VSIG10L2: variants seen among roughly 807,000 people sequenced by gnomAD.
VSIG10L2 encodes the protein V-set and immunoglobulin domain containing 10 like 2.
In VSIG10L2, 56 loss-of-function variants were observed where a neutral mutation model predicts 67.1. That is an observed-to-expected ratio of 0.83 (90% CI 0.67 to 1.04). VSIG10L2 has a LOEUF of 1.04. Ranked by LOEUF, VSIG10L2 falls within the 50% of genes least tolerant of loss-of-function variation. VSIG10L2 has a pLI of 0.00. For missense variants in VSIG10L2, 843 were observed against 932.8 expected (o/e 0.90, Z 1.25); for synonymous variants, 360 against 396.6 (o/e 0.91, Z 1.10).
At position 125,947,678 on chromosome 11, in the gene VSIG10L2, C is replaced by G; in HGVS notation, c.83-8C>G. 8.1e-7 allele frequency: 1 copy of G among 1,232,482 alleles called. No individual in the cohort carries two copies. Among genetic ancestry groups the G allele is most frequent in the Non-Finnish European group, 1.0e-6 (1 of 988,274 alleles). 76.3% of individuals were successfully genotyped at this position (1,232,482 alleles called of 1,614,324 possible). A position where few individuals can be genotyped will look rare whatever the true frequency, so the allele number is the denominator to read the frequency against. Reference sequence around the variant, plus strand: ...CCAGAAGTCCTGCTATGCCCCTTCTCTCCCCAGGCCAGCCCCACCCGACCC... The same window carrying G: ...CCAGAAGTCCTGCTATGCCCCTTCTGTCCCCAGGCCAGCCCCACCCGACCC... On this transcript the variant is annotated splice_region_variant and splice_polypyrimidine_tract_variant and intron_variant, in intron 1 of 11. Coordinates refer to ENST00000686984, the MANE Select transcript of VSIG10L2 (RefSeq NM_001365077.2).
Position 125,954,073 on chromosome 11 carries a change from C to G in VSIG10L2, c.1787-14C>G. 8.1e-7 allele frequency: 1 copy of G among 1,232,074 alleles called. No individual in the cohort carries two copies. Among genetic ancestry groups the G allele is most frequent in the Non-Finnish European group, 1.0e-6 (1 of 988,006 alleles). 76.3% of individuals were successfully genotyped at this position (1,232,074 alleles called of 1,614,324 possible). ...GGTATACATGTCCCTTGTTTTGTCCCCACCCTCACCCAGGATATCCAGCTC... is the reference window on the plus strand; with the variant it reads ...GGTATACATGTCCCTTGTTTTGTCCGCACCCTCACCCAGGATATCCAGCTC... On this transcript the variant is annotated splice_polypyrimidine_tract_variant and intron_variant, in intron 7 of 11. Transcript: ENST00000686984.
Position 125,951,932 on chromosome 11 carries a change from C to G in VSIG10L2, c.1354C>G (p.Gln452Glu). ...TGCCACGCTGGGCTGGCTTGACGAA[C>G]AGCAGCAGCCCCTGGGCGGCAGCAG... ...PPATLGWLDE[Q>E]QQPLGGSSSS... is the part of the protein sequence containing the mutation. The change falls in exon 6 of 12, where the codon CAG (glutamine) becomes GAG (glutamate). Residue 452 changes from glutamine (Q) to glutamate (E), a missense_variant. By Grantham distance (29) the Gln-to-Glu change is conservative. Around this residue, in one of 2 missense-constraint regions of VSIG10L2, gnomAD observed 446 missense variants for 548.4 expected, o/e 0.81. Coordinates refer to ENST00000686984, the MANE Select transcript of VSIG10L2 (RefSeq NM_001365077.2). 6.5e-7 allele frequency: 1 copy of G among 1,536,038 alleles called. No individual in the cohort carries two copies. Among genetic ancestry groups the G allele is most frequent in the Non-Finnish European group, 8.7e-7 (1 of 1,146,834 alleles).
intron 6 of VSIG10L2, among the ~76,000 whole-genome samples, chr11:125,953,038 T>C (rs1167027518): frequency 1.3e-5 from 2 of 152,118 alleles, no homozygotes; most frequent in African/African-American, 4.8e-5. Context: ...GCACTATGCC[T>C]GGAGCCAGCC....
At chr11:125,950,856 CT>C in intron 4 of VSIG10L2, 53 bp from the exon 5 acceptor site, 1 of 1,232,032 alleles carries the variant, frequency 8.1e-7, no homozygotes, top group Non-Finnish European at 1.0e-6. Context: ...GGCCTGGGGG[CT>C]GCAGGGCACT....
chr11:125,946,544 C>CTCTTT lies in VSIG10L2; in HGVS notation c.82+408_82+409insCTTTT, dbSNP rs1945304876. Among the ~76,000 whole-genome samples the CTCTTT allele has an allele frequency of 7.0e-6, 1 of 142,940 alleles. No individual in the cohort carries two copies. The highest frequency in any genetic ancestry group is 1.5e-5 in the Non-Finnish European group (1 of 65,346). The allele number at this position is 142,940 out of a possible 152,430, so 93.8% of individuals were successfully genotyped here. A position where few individuals can be genotyped will look rare whatever the true frequency, so the allele number is the denominator to read the frequency against. ...GGTTTCTGGGTTACATATTTTTATT[C>CTCTTT]TTTTTTTTTTTTTGAGATGGAGTCT... On this transcript the variant is annotated intron_variant, in intron 1 of 11. Coordinates refer to ENST00000686984, the MANE Select transcript of VSIG10L2 (RefSeq NM_001365077.2). This position sits in a 1 kb window ranked among gnomAD's most constrained non-coding sequence, Gnocchi z 4.4.
chr11:125,950,075 G>T lies in VSIG10L2; in HGVS notation c.771G>T (p.Trp257Cys), dbSNP rs1248906277. The change falls in exon 4 of 12, where the codon TGG becomes TGT. Residue 257 changes from tryptophan (W) to cysteine (C), a missense_variant. Trp to Cys is a radical substitution (Grantham distance 215). This residue lies in a region of VSIG10L2 where 446 missense variants were observed against 548.4 expected (regional missense o/e 0.81). Coordinates refer to ENST00000686984, the MANE Select transcript of VSIG10L2 (RefSeq NM_001365077.2). Reference sequence around the variant, plus strand: ...TGGGACTCACTGAGGAGGGCTTCTGGGCCAGTGAGAGGGAAGAGGTGACCC... The same window carrying T: ...TGGGACTCACTGAGGAGGGCTTCTGTGCCAGTGAGAGGGAAGAGGTGACCC... ...EPLGLTEEGF[W>C]ASEREEVTLS... 3 of 1,232,176 alleles carry T rather than the reference G, an allele frequency of 2.4e-6. No homozygotes were observed. The highest frequency in any genetic ancestry group is 3.0e-6 in the Non-Finnish European group (3 of 988,188). 76.3% of individuals were successfully genotyped at this position (1,232,176 alleles called of 1,614,324 possible).
At chr11:125,948,715 C>T (rs970055489) in intron 3 of VSIG10L2, 135 bp downstream of exon 3, 1 of 999,440 alleles carries the variant, frequency 1.0e-6, no homozygotes, top group Non-Finnish European at 1.3e-6. Context: ...CTCCAGCAGG[C>T]AAGAGTCACG....
chr11:125,948,043 G>C lies in VSIG10L2; in HGVS notation c.433+7G>C. 1.6e-6 allele frequency: 2 copies of C among 1,232,636 alleles called. No individual in the cohort carries two copies. Among genetic ancestry groups the C allele is most frequent in the East Asian group, 3.2e-5 (1 of 31,710 alleles). 76.4% of individuals were successfully genotyped at this position (1,232,636 alleles called of 1,614,324 possible). On this transcript the variant is annotated splice_region_variant and intron_variant, in intron 2 of 11. Coordinates refer to ENST00000686984, the MANE Select transcript of VSIG10L2 (RefSeq NM_001365077.2). The stretch of plus-strand genomic sequence containing the variant: ...CTCACGCTGGCTGTGCTGGGTGAGG[G>C]CCTGGCCCCAGCTGCAGCTGGTCCG...
In VSIG10L2 at chr11:125,955,114, T is replaced by A. The variant is rs933876950; in HGVS notation, c.2141T>A (p.Val714Glu). Reference sequence around the variant, plus strand: ...TTGGGTGCAGCAGGCACGGGAATGGTGGTAGCAACGGTGGCCTCTCTACTG... The same window carrying A: ...TTGGGTGCAGCAGGCACGGGAATGGAGGTAGCAACGGTGGCCTCTCTACTG... ...AVLGAAGTGM[V>E]VATVASLLVF... The change falls in exon 9 of 12, where the codon GTG (valine) becomes GAG (glutamate). Residue 714 changes from valine to glutamate, a missense_variant. This residue lies in a region of VSIG10L2 where 397 missense variants were observed against 384.4 expected (regional missense o/e 1.03). Coordinates refer to ENST00000686984, the MANE Select transcript of VSIG10L2 (RefSeq NM_001365077.2). 21 of 1,239,260 alleles carry A rather than the reference T, an allele frequency of 1.7e-5. No homozygotes were observed. In the African/African-American group the frequency reaches 2.8e-4, roughly 16 times the overall value. The allele number at this position is 1,239,260 out of a possible 1,614,324, so 76.8% of individuals were successfully genotyped here.
intron 1 of VSIG10L2, among the ~76,000 whole-genome samples, chr11:125,947,161 A>T (rs979243902): frequency 1.3e-5 from 2 of 152,070 alleles, no homozygotes; most frequent in African/African-American, 4.8e-5. Context: ...TGCTGCAATC[A>T]ACTGGAACAG....
rs561995963 is a variant in VSIG10L2 at position 125,953,336 on chromosome 11, T to C, written c.1496-64T>C. The C allele has an allele frequency of 6.6e-6, 8 of 1,212,710 alleles. No individual in the cohort carries two copies. The African/African-American group carries it at 1.2e-4, about 19-fold the overall frequency. The allele number at this position is 1,212,710 out of a possible 1,614,324, so 75.1% of individuals were successfully genotyped here. A position where few individuals can be genotyped will look rare whatever the true frequency, so the allele number is the denominator to read the frequency against. The stretch of plus-strand genomic sequence containing the variant: ...TCCATCTCTTCTCCATGCCTTCCAA[T>C]GCTGGCCAGCACCTTGTCCCCAAGC... On this transcript the variant is annotated intron_variant, in intron 6 of 11. Coordinates refer to ENST00000686984, the MANE Select transcript of VSIG10L2 (RefSeq NM_001365077.2).
At chr11:125,950,852 G>C in intron 4 of VSIG10L2, 58 bp from the exon 5 acceptor site, 1 of 1,232,002 alleles carries the variant, frequency 8.1e-7, no homozygotes, top group South Asian at 4.1e-5. Context: ...CCTGGGCCTG[G>C]GGGCTGCAGG....
chr11:125,948,160 C>T (rs1945320511), intron 2 of VSIG10L2, 124 bp downstream of exon 2: 1 of 1,230,434 alleles, frequency 8.1e-7, no homozygotes, highest in Non-Finnish European at 1.0e-6. Context: ...ACTCCAGGGA[C>T]TTTGGAAAGC....
intron 4 of VSIG10L2, 149 bp downstream of exon 4, chr11:125,950,438 T>C (rs1447380952): frequency 2.5e-6 from 2 of 803,986 alleles, no homozygotes; most frequent in East Asian, 6.7e-5. Context: ...TCCAACCAAG[T>C]GGAGTTGGAG....
chr11:125,947,576 C>T, intron 1 of VSIG10L2, 110 bp from the exon 2 acceptor site: 2 of 1,231,142 alleles, frequency 1.6e-6, no homozygotes. Context: ...CTGAACCCTG[C>T]CTGGGCCGCT....
At chr11:125,953,764 T>C in intron 7 of VSIG10L2, 74 bp downstream of exon 7, 13 of 1,214,858 alleles carry the variant, frequency 1.1e-5, no homozygotes, top group Non-Finnish European at 1.3e-5. Context: ...GTGCTTTAAG[T>C]GGAAAGGCAC....
In VSIG10L2 at chr11:125,947,208, A is replaced by C. The variant is rs188977449; in HGVS notation, c.83-478A>C. Among the ~76,000 whole-genome samples, 19 of 152,242 alleles carry C rather than the reference A, an allele frequency of 1.2e-4. 1 individual carries two copies. The highest frequency in any genetic ancestry group is 1.4e-4 in the African/African-American group (6 of 41,548). ...GCCCTGGGATCCTCCTGGAATCCTT[A>C]CACAGGAACTCCAGACCCCGAGCCA... On this transcript the variant is annotated intron_variant, in intron 1 of 11. Transcript: ENST00000686984.
Position 125,953,480 on chromosome 11 carries a change from G to T in VSIG10L2, c.1576G>T (p.Gly526Trp), listed in dbSNP as rs549187341. 1 of 1,232,094 alleles carries T rather than the reference G, an allele frequency of 8.1e-7. No homozygotes were observed. The highest frequency in any genetic ancestry group is 1.0e-6 in the Non-Finnish European group (1 of 988,084). 76.3% of individuals were successfully genotyped at this position (1,232,094 alleles called of 1,614,324 possible). A position where few individuals can be genotyped will look rare whatever the true frequency, so the allele number is the denominator to read the frequency against. ...GEAWLECSLR[G>W]GTPPAQLLWL... is the part of the protein sequence containing the mutation. ...GGCCTGGCTGGAGTGCTCTCTCCGC[G>T]GGGGCACACCACCTGCCCAGCTCCT... Residue 526 changes from glycine (G) to tryptophan (W), a missense_variant, in exon 7 of 12, where the codon GGG becomes TGG. By Grantham distance (184) the Gly-to-Trp change is radical. Coordinates refer to ENST00000686984, the MANE Select transcript of VSIG10L2 (RefSeq NM_001365077.2).
intron 3 of VSIG10L2, 145 bp downstream of exon 3, chr11:125,948,725 G>C (rs548997232): frequency 1.1e-6 from 1 of 897,166 alleles, no homozygotes; most frequent in East Asian, 3.3e-5. Flanking sequence ...CAAGAGTCAC[G>C]GGGTGCCGTG....
Sources: gnomAD v4.1 joint callset for allele counts (sites outside exome capture counted in the v4.1 genomes callset) on GRCh38, gnomAD v4.1.1 for gene constraint, gnomAD v4.1.1 regional missense constraint, Gnocchi (gnomAD v3.1) non-coding constraint, MANE v1.5 for transcripts, NCBI Gene and HGNC (gene_info 2026-07-23, HGNC 2026-07-21) for gene names.